Variants in GPC5 observed in about 807,000 individuals in gnomAD.
GPC5 encodes glypican-5.
A neutral mutation model predicts 53.9 loss-of-function variants in GPC5; 47 were observed. The ratio of observed to expected loss-of-function variants is 0.87; its 90% CI spans 0.69 to 1.11. The LOEUF (loss-of-function observed/expected upper bound fraction) is 1.11, where lower values mean the gene tolerates loss of function less well. Among genes scored for constraint, GPC5 ranks in the 50% most tolerant of loss-of-function variants. The pLI, the probability that GPC5 is intolerant of heterozygous loss-of-function variation, is 0.00. For synonymous variants in GPC5, 286 were observed against 263.3 expected (o/e 1.09, Z -0.84); for missense variants, 748 against 713.1 (o/e 1.05, Z -0.56).
At chr13:92,053,441 C>T (rs2041047254) in intron 6 of GPC5, among the ~76,000 whole-genome samples, 1 of 152,164 alleles carries the variant, frequency 6.6e-6, no homozygotes, top group South Asian at 2.1e-4. Flanking sequence ...GGCAAGAACT[C>T]TTCTCCCTTG....
intron 5 of GPC5, among the ~76,000 whole-genome samples, chr13:91,818,120 A>G (rs994989786): frequency 1.3e-5 from 2 of 152,222 alleles, no homozygotes; most frequent in Non-Finnish European, 2.9e-5. Flanking sequence ...GGGGAACAGC[A>G]TTACCTACCA....
intron 7 of GPC5, among the ~76,000 whole-genome samples, chr13:92,665,029 A>C (rs1886523884): frequency 1.3e-5 from 2 of 152,314 alleles, no homozygotes; most frequent in South Asian, 2.1e-4. Flanking sequence ...AACAGTAGAA[A>C]TCGAGTTTGT....
At chr13:91,592,913 C>T (rs367652477) in intron 2 of GPC5, among the ~76,000 whole-genome samples, 6 of 152,168 alleles carry the variant, frequency 3.9e-5, no homozygotes, top group East Asian at 1.9e-4. Context: ...CCTGGCATGG[C>T]GGTCAGCTGA....
At chr13:92,323,762 T>A (rs1358778345) in intron 7 of GPC5, among the ~76,000 whole-genome samples, 1 of 151,874 alleles carries the variant, frequency 6.6e-6, no homozygotes, top group African/African-American at 2.4e-5. Flanking sequence ...AAATGAGTCA[T>A]TTGTTTTAAT....
intron 7 of GPC5, among the ~76,000 whole-genome samples, chr13:92,410,923 T>C (rs751255776): frequency 2.0e-5 from 3 of 152,208 alleles, no homozygotes; most frequent in Non-Finnish European, 4.4e-5. Context: ...CAGAATGTAT[T>C]ACATCTTTTC....
chr13:92,379,856 C>CT (rs889606708), intron 7 of GPC5, among the ~76,000 whole-genome samples: 2 of 152,186 alleles, frequency 1.3e-5, no homozygotes, highest in Admixed American at 6.5e-5. Flanking sequence ...TGTTTTGCCG[C>CT]TTCTTGTCAT....
chr13:92,243,823 T>A (rs1181617441), intron 7 of GPC5, among the ~76,000 whole-genome samples: 2 of 151,980 alleles, frequency 1.3e-5, no homozygotes, highest in Admixed American at 1.3e-4. Context: ...TCTGTGCATG[T>A]AAGGAAAGAG....
intron 7 of GPC5, among the ~76,000 whole-genome samples, chr13:92,147,158 G>A (rs558742480): frequency 3.3e-5 from 5 of 151,560 alleles, no homozygotes; most frequent in African/African-American, 9.7e-5. Flanking sequence ...ATTTATGTGA[G>A]GTGAAAGAAA....
chr13:92,644,734 C>T (rs1467693955), intron 7 of GPC5, among the ~76,000 whole-genome samples: 1 of 151,968 alleles, frequency 6.6e-6, no homozygotes, highest in African/African-American at 2.4e-5. Flanking sequence ...CACTATAAAA[C>T]AGAACATCTG....
At chr13:91,810,996 T>C (rs1281317701) in intron 5 of GPC5, among the ~76,000 whole-genome samples, 3 of 151,260 alleles carry the variant, frequency 2.0e-5, no homozygotes, top group African/African-American at 7.3e-5. Context: ...GTTCTCACAT[T>C]CTCAACATTA....
In GPC5 at chr13:92,541,207, G is replaced by A. The variant is rs9556190; in HGVS notation, c.1562-325075G>A. Among the ~76,000 whole-genome samples, 15 of 151,870 alleles carry A rather than the reference G, an allele frequency of 9.9e-5. No homozygotes were observed. In the East Asian group the frequency reaches 1.4e-3, roughly 14 times the overall value. On this transcript the variant is annotated intron_variant, in intron 7 of 7. Transcript: ENST00000377067. ...GTATTTTAAAATGTTTCTGAAATGCGTGTAAGGTGGTACATGAAAATGTAG... is the reference window on the plus strand; with the variant it reads ...GTATTTTAAAATGTTTCTGAAATGCATGTAAGGTGGTACATGAAAATGTAG...
intron 2 of GPC5, among the ~76,000 whole-genome samples, chr13:91,583,680 T>C (rs2032454453): frequency 6.6e-6 from 1 of 152,078 alleles, no homozygotes; most frequent in African/African-American, 2.4e-5. Flanking sequence ...ATAAGTAAAA[T>C]AGCTGAGACA....
At chr13:92,232,355 T>A (rs2042537298) in intron 7 of GPC5, among the ~76,000 whole-genome samples, 1 of 152,178 alleles carries the variant, frequency 6.6e-6, no homozygotes, top group Admixed American at 6.5e-5. Context: ...GTTTTAAATT[T>A]TAGTTTACAA....
chr13:92,290,186 A>AT (rs1213729183), intron 7 of GPC5, among the ~76,000 whole-genome samples: 15 of 152,214 alleles, frequency 9.9e-5, no homozygotes, highest in Non-Finnish European at 1.2e-4. Context: ...TTTCAACAAA[A>AT]TCAAATCTAC....
At chr13:92,762,322 G>A (rs780934460) in intron 7 of GPC5, among the ~76,000 whole-genome samples, 16 of 151,982 alleles carry the variant, frequency 1.1e-4, no homozygotes, top group Admixed American at 9.8e-4. Context: ...CGGAAGTTAC[G>A]TTATCAGTGT....
chr13:91,895,630 CTT>C (rs2039433118), intron 5 of GPC5, among the ~76,000 whole-genome samples: 1 of 150,896 alleles, frequency 6.6e-6, no homozygotes, highest in Non-Finnish European at 1.5e-5. Context: ...CTTTTTCTCT[CTT>C]TCTTTCTTTT....
chr13:92,328,725 A>C (rs2043268912), intron 7 of GPC5, among the ~76,000 whole-genome samples: 1 of 152,146 alleles, frequency 6.6e-6, no homozygotes, highest in South Asian at 2.1e-4. Context: ...AAGGCTTGTC[A>C]CTTGAAGTTC....
intron 2 of GPC5, among the ~76,000 whole-genome samples, chr13:91,633,845 T>C (rs2034220468): frequency 6.6e-6 from 1 of 152,110 alleles, no homozygotes; most frequent in South Asian, 2.1e-4. Context: ...TACTCTCAGA[T>C]GAGGATAATG....
intron 7 of GPC5, among the ~76,000 whole-genome samples, chr13:92,274,260 A>G (rs2042859949): frequency 6.6e-6 from 1 of 152,002 alleles, no homozygotes; most frequent in African/African-American, 2.4e-5. Flanking sequence ...CATCTTCTTT[A>G]TCTTTCATTT....
Sources: gnomAD v4.1 joint callset for allele counts (sites outside exome capture counted in the v4.1 genomes callset) on GRCh38, gnomAD v4.1.1 for gene constraint, MANE v1.5 for transcripts, NCBI Gene and HGNC (gene_info 2026-07-23, HGNC 2026-07-21) for gene names.